Variants in CSMD1 observed in about 807,000 individuals in gnomAD.
CSMD1 encodes the protein CUB and Sushi multiple domains 1, also known as CUB and sushi domain-containing protein 1.
Under a neutral mutation model 417.5 loss-of-function variants are expected in CSMD1, and 213 were observed. The observed-to-expected ratio is 0.51, with a 90% CI of 0.46 to 0.57. CSMD1 has a LOEUF of 0.57. Ranked by LOEUF, CSMD1 falls within the 20% of genes least tolerant of loss-of-function variation. The probability of loss-of-function intolerance (pLI) is 0.00; values close to 1 mark genes in which losing one functional copy is unlikely to be tolerated. For synonymous variants in CSMD1, 2,862 were observed against 1,736.8 expected (o/e 1.65, Z -16.11); for missense variants, 6,923 against 4,529.7 (o/e 1.53, Z -15.17).
At chr8:3,161,995 C>T (rs927326472) in intron 38 of CSMD1, among the ~76,000 whole-genome samples, 164 bp downstream of exon 38, 1 of 152,136 alleles carries the variant, frequency 6.6e-6, no homozygotes, top group Non-Finnish European at 1.5e-5. Flanking sequence ...AAAGCTGTTT[C>T]CAAATGGTGA....
chr8:4,731,242 G>C (rs951662889), intron 1 of CSMD1, among the ~76,000 whole-genome samples: 3 of 152,108 alleles, frequency 2.0e-5, no homozygotes, highest in African/African-American at 7.2e-5. Flanking sequence ...CTCCACACAA[G>C]ATGCCCACCT....
At chr8:3,942,068 G>T (rs893122710) in intron 5 of CSMD1, among the ~76,000 whole-genome samples, 1 of 151,840 alleles carries the variant, frequency 6.6e-6, no homozygotes, top group Admixed American at 6.6e-5. Flanking sequence ...GGCATGCAAG[G>T]GATCTAGGTT....
intron 2 of CSMD1, among the ~76,000 whole-genome samples, chr8:4,477,623 G>A (rs574223862): frequency 6.6e-6 from 1 of 152,100 alleles, no homozygotes; most frequent in African/African-American, 2.4e-5. Flanking sequence ...CACAGAGAAA[G>A]GCACTGTGAG....
At chr8:4,731,479 G>C (rs184266784) in intron 1 of CSMD1, among the ~76,000 whole-genome samples, 15 of 152,282 alleles carry the variant, frequency 9.9e-5, no homozygotes, top group Admixed American at 1.3e-4. Context: ...GCCTTGGAAA[G>C]GAGCAAATAT....
chr8:3,842,411 T>G (rs562116343), intron 5 of CSMD1, among the ~76,000 whole-genome samples: 1 of 152,190 alleles, frequency 6.6e-6, no homozygotes, highest in Admixed American at 6.5e-5. Context: ...TGTGCATGTC[T>G]TATAGTCTCA....
intron 25 of CSMD1, among the ~76,000 whole-genome samples, chr8:3,296,550 T>A (rs1803981796): frequency 6.6e-6 from 1 of 152,132 alleles, no homozygotes; most frequent in Non-Finnish European, 1.5e-5. Context: ...CGTGCTTGCT[T>A]GCTCTGTTGA....
At position 4,048,460 on chromosome 8, in the gene CSMD1, A is replaced by T. The variant is rs146355342; in HGVS notation, c.416-16361T>A. On this transcript the variant is annotated intron_variant, in intron 3 of 69. Coordinates refer to ENST00000635120, the MANE Select transcript of CSMD1 (RefSeq NM_033225.6). ...TCCTATTTTCCCAACAAGATTCTGC[A>T]GTAGCTACTATTATCCCCATTTTAA... 3.5e-3 allele frequency among the ~76,000 whole-genome samples: 532 copies of T among 152,304 alleles called. 2 individuals are homozygous for T. The highest frequency in any genetic ancestry group is 0.012 in the African/African-American group (512 of 41,570).
chr8:3,973,304 T>G (rs1009865289), intron 5 of CSMD1, among the ~76,000 whole-genome samples: 1 of 152,186 alleles, frequency 6.6e-6, no homozygotes, highest in Non-Finnish European at 1.5e-5. Flanking sequence ...GCCGAGGGAT[T>G]TGAATATCAG....
intron 12 of CSMD1, among the ~76,000 whole-genome samples, chr8:3,425,686 T>C (rs1275883012): frequency 2.0e-5 from 3 of 152,056 alleles, no homozygotes; most frequent in African/African-American, 7.2e-5. Context: ...TCTTCTGTTG[T>C]TGTTAGTGCA....
chr8:3,791,750 G>T (rs1028559496), intron 5 of CSMD1, among the ~76,000 whole-genome samples: 1 of 152,158 alleles, frequency 6.6e-6, no homozygotes, highest in South Asian at 2.1e-4. Flanking sequence ...TTGAGCCTGG[G>T]AGGTGGAAGT....
At position 2,998,027 on chromosome 8, in the gene CSMD1, A is replaced by G. The variant is rs1242809142; in HGVS notation, c.8361T>C (p.Pro2787=). The G allele has an allele frequency of 3.1e-6, 5 of 1,613,768 alleles. No individual in the cohort carries two copies. The Admixed American group carries it at 8.3e-5, about 27-fold the overall frequency. ...QCRSNGQWSS[P]LPTCRVVNCS... ...TGTTCCTACCTCGACACGTGGGCAG[A>G]GGGCTACTCCACTGGCCGTTGCTCC... The change falls in exon 54 of 70, where the codon CCT becomes CCC. Residue 2787 remains proline (P), a synonymous_variant. Transcript: ENST00000635120.
intron 49 of CSMD1, among the ~76,000 whole-genome samples, chr8:3,075,549 G>A (rs1343445492): frequency 1.3e-5 from 2 of 151,836 alleles, no homozygotes. Context: ...CCAAAGTGCT[G>A]GGATGACAGG....
intron 4 of CSMD1, among the ~76,000 whole-genome samples, chr8:4,002,670 T>C (rs530339112): frequency 2.0e-5 from 3 of 152,188 alleles, no homozygotes; most frequent in African/African-American, 4.8e-5. Flanking sequence ...CTGACAGAAA[T>C]GGGAACCATT....
chr8:3,178,408 C>T (rs1585566548), intron 37 of CSMD1, among the ~76,000 whole-genome samples: 1 of 151,884 alleles, frequency 6.6e-6, no homozygotes, highest in Non-Finnish European at 1.5e-5. Context: ...ATTCTCCAGA[C>T]ATTTTTCAGA....
At chr8:3,982,795 T>C (rs2740806) in intron 5 of CSMD1, among the ~76,000 whole-genome samples, 1 of 151,912 alleles carries the variant, frequency 6.6e-6, no homozygotes, top group African/African-American at 2.4e-5. Context: ...AGGGCAAGAA[T>C]CCGCTGGAGG....
chr8:4,761,955 C>CTATCTATG (rs1812136416), intron 1 of CSMD1, among the ~76,000 whole-genome samples: 1 of 148,386 alleles, frequency 6.7e-6, no homozygotes. Context: ...ATCTATCTAT[C>CTATCTATG]TATCTATCTA....
At chr8:3,694,673 C>A (rs2129034333) in intron 7 of CSMD1, among the ~76,000 whole-genome samples, 1 of 151,952 alleles carries the variant, frequency 6.6e-6, no homozygotes, top group Non-Finnish European at 1.5e-5. Flanking sequence ...GGAGGTGCTC[C>A]ACTGAACTGC....
intron 7 of CSMD1, among the ~76,000 whole-genome samples, chr8:3,638,643 C>T (rs562601454): frequency 6.6e-6 from 1 of 152,168 alleles, no homozygotes; most frequent in South Asian, 2.1e-4. Flanking sequence ...GCAGGTGAAA[C>T]ATGGGCAAGA....
intron 2 of CSMD1, among the ~76,000 whole-genome samples, chr8:4,441,282 T>TTG (rs1798464657): frequency 3.6e-5 from 5 of 138,942 alleles, no homozygotes; most frequent in African/African-American, 5.2e-5. Context: ...TTTTTTTTTT[T>TTG]GGTGGGGGGA....
Sources: allele counts gnomAD v4.1 joint callset (sites outside exome capture counted in the v4.1 genomes callset), GRCh38; gene constraint gnomAD v4.1.1; transcripts MANE v1.5; gene names NCBI Gene and HGNC (gene_info 2026-07-23, HGNC 2026-07-21).